THSD7B: variants seen among roughly 807,000 people sequenced by gnomAD.
The protein encoded by THSD7B is thrombospondin type-1 domain-containing protein 7B.
In THSD7B, 138 loss-of-function variants were observed where a neutral mutation model predicts 213.6. The ratio of observed to expected loss-of-function variants is 0.65; its 90% CI spans 0.56 to 0.74. THSD7B has a LOEUF of 0.74. THSD7B is among the 30% of genes least tolerant of loss of function. THSD7B has a pLI of 0.00. For missense variants in THSD7B, 1,931 were observed against 1,991.5 expected, an observed-to-expected ratio of 0.97 and a Z score of 0.58; for synonymous variants, 742 against 687.0, an observed-to-expected ratio of 1.08 and a Z score of -1.25.
At chr2:137,310,278 G>A (rs1235698334) in intron 12 of THSD7B, among the ~76,000 whole-genome samples, 1 of 151,402 alleles carries the variant, frequency 6.6e-6, no homozygotes, top group African/African-American at 2.4e-5. Context: ...TTTTTCATGT[G>A]TTTTTTGGCT....
At chr2:137,651,471 T>C (rs1165775709) in intron 21 of THSD7B, among the ~76,000 whole-genome samples, 3 of 151,998 alleles carry the variant, frequency 2.0e-5, no homozygotes, top group Non-Finnish European at 4.4e-5. Context: ...TTTCTTAGTC[T>C]AGCTAAAAGT....
chr2:137,083,065 G>C (rs1210651272), intron 3 of THSD7B, among the ~76,000 whole-genome samples: 1 of 151,908 alleles, frequency 6.6e-6, no homozygotes, highest in Non-Finnish European at 1.5e-5. Context: ...CATGATGTTA[G>C]GTTTATTACC....
chr2:137,433,796 C>T (rs1687236028), intron 14 of THSD7B, among the ~76,000 whole-genome samples: 1 of 152,114 alleles, frequency 6.6e-6, no homozygotes, highest in Admixed American at 6.5e-5. Context: ...TGCATTTTCA[C>T]TGTGCAGTTT....
intron 1 of THSD7B, among the ~76,000 whole-genome samples, chr2:136,822,569 G>A (rs531264341): frequency 6.6e-6 from 1 of 152,252 alleles, no homozygotes; most frequent in South Asian, 2.1e-4. Context: ...ACTTAGAGAG[G>A]TCATTCAGCT....
chr2:137,359,642 G>A (rs1685209404), intron 12 of THSD7B, among the ~76,000 whole-genome samples: 2 of 152,248 alleles, frequency 1.3e-5, no homozygotes, highest in South Asian at 4.1e-4. Flanking sequence ...TTTTAAAACA[G>A]AATGATAGGC....
chr2:136,872,661 T>C (rs1166240907), intron 1 of THSD7B, among the ~76,000 whole-genome samples: 1 of 150,876 alleles, frequency 6.6e-6, no homozygotes, highest in South Asian at 2.1e-4. Flanking sequence ...TCCTCTCTCT[T>C]CTCTCTCCCT....
chr2:136,876,328 G>A (rs906425683), intron 1 of THSD7B, among the ~76,000 whole-genome samples: 3 of 152,092 alleles, frequency 2.0e-5, no homozygotes, highest in African/African-American at 7.2e-5. Context: ...GATTCACCAG[G>A]AAGCTATATT....
chr2:137,015,782 T>C lies in THSD7B; in HGVS notation c.140-40638T>C, dbSNP rs149259338. On this transcript the variant is annotated intron_variant, in intron 2 of 27. Coordinates refer to ENST00000409968, the MANE Select transcript of THSD7B (RefSeq NM_001316349.2). ...TATCGCCTGCTTTTCTGGCTACTTATCTGTTTTGTAAACATCAGCCACTCT... is the reference window on the plus strand; with the variant it reads ...TATCGCCTGCTTTTCTGGCTACTTACCTGTTTTGTAAACATCAGCCACTCT... 4.8e-3 allele frequency among the ~76,000 whole-genome samples: 737 copies of C among 152,266 alleles called. 6 individuals carry two copies. The highest frequency in any genetic ancestry group is 0.015 in the African/African-American group (642 of 41,558).
intron 5 of THSD7B, among the ~76,000 whole-genome samples, chr2:137,141,690 T>C (rs1454973768): frequency 6.6e-6 from 1 of 150,814 alleles, no homozygotes; most frequent in African/African-American, 2.4e-5. Context: ...TGTGCGTGTG[T>C]GTGTGTGTGT....
chr2:137,311,854 G>A (rs1683917138), intron 12 of THSD7B, among the ~76,000 whole-genome samples: 1 of 145,514 alleles, frequency 6.9e-6, no homozygotes, highest in Non-Finnish European at 1.5e-5. Flanking sequence ...CAGGGATGAA[G>A]CCCACTTGAT....
At chr2:136,978,026 T>C (rs1403791552) in intron 2 of THSD7B, among the ~76,000 whole-genome samples, 1 of 152,152 alleles carries the variant, frequency 6.6e-6, no homozygotes, top group Non-Finnish European at 1.5e-5. Flanking sequence ...CTTGAACTCC[T>C]GACCTCAGGT....
chr2:136,884,495 G>A (rs1683683236), intron 2 of THSD7B, among the ~76,000 whole-genome samples: 1 of 152,150 alleles, frequency 6.6e-6, no homozygotes, highest in South Asian at 2.1e-4. Flanking sequence ...CCTCCCATTG[G>A]ATGAATTCAA....
chr2:136,941,269 G>A (rs1573723343), intron 2 of THSD7B, among the ~76,000 whole-genome samples: 1 of 152,146 alleles, frequency 6.6e-6, no homozygotes, highest in South Asian at 2.1e-4. Flanking sequence ...TGGACATTTG[G>A]GTTGGTTCCA....
At chr2:137,289,844 G>A (rs1168634029) in intron 12 of THSD7B, among the ~76,000 whole-genome samples, 2 of 152,070 alleles carry the variant, frequency 1.3e-5, no homozygotes, top group African/African-American at 2.4e-5. Context: ...GTTCGAGAGG[G>A]AGGAAATACT....
At chr2:137,067,483 A>G (rs1687403572) in intron 3 of THSD7B, among the ~76,000 whole-genome samples, 1 of 152,028 alleles carries the variant, frequency 6.6e-6, no homozygotes, top group Non-Finnish European at 1.5e-5. Context: ...ATAAGGTCTG[A>G]AACAAGCAAT....
intron 12 of THSD7B, among the ~76,000 whole-genome samples, chr2:137,351,356 A>G (rs899213696): frequency 2.6e-5 from 4 of 151,960 alleles, no homozygotes; most frequent in African/African-American, 9.7e-5. Flanking sequence ...AGGATGTCCT[A>G]TATGTTCAGC....
At chr2:136,841,398 A>G (rs1172509073) in intron 1 of THSD7B, among the ~76,000 whole-genome samples, 2 of 151,930 alleles carry the variant, frequency 1.3e-5, no homozygotes, top group East Asian at 1.9e-4. Context: ...GATTGAGACC[A>G]TCCTGGCCAA....
rs72989775 is a variant in THSD7B at position 137,197,031 on chromosome 2, G to A, written c.1723+26093G>A. Among the ~76,000 whole-genome samples the A allele has an allele frequency of 9.2e-3, 1,407 of 152,196 alleles. 24 individuals carry two copies. Among genetic ancestry groups the A allele is most frequent in the African/African-American group, 0.03 (1,253 of 41,514 alleles). On this transcript the variant is annotated intron_variant, in intron 7 of 27. Transcript: ENST00000409968. ...CTGAATCTAATCACACAATCATGAG[G>A]AAATATCTAATGTAATCATGAAGAA... is the stretch of plus-strand genomic sequence containing the variant.
chr2:137,137,419 C>T (rs1679487507), intron 5 of THSD7B, among the ~76,000 whole-genome samples: 1 of 152,166 alleles, frequency 6.6e-6, no homozygotes, highest in African/African-American at 2.4e-5. Context: ...ATGTTTCGGT[C>T]AATGACAAAC....
Sources: allele counts gnomAD v4.1 joint callset (sites outside exome capture counted in the v4.1 genomes callset), GRCh38; gene constraint gnomAD v4.1.1; transcripts MANE v1.5; gene names NCBI Gene and HGNC (gene_info 2026-07-23, HGNC 2026-07-21).